PIK3CB: variants seen among roughly 807,000 people sequenced by gnomAD.
PIK3CB encodes the protein phosphatidylinositol-4,5-bisphosphate 3-kinase catalytic subunit beta.
In PIK3CB, 39 loss-of-function variants were observed where a neutral mutation model predicts 136.8. That is an observed-to-expected ratio of 0.29 (90% CI 0.22 to 0.37). The LOEUF (loss-of-function observed/expected upper bound fraction) is 0.37, where lower values mean the gene tolerates loss of function less well. Among genes scored for constraint, PIK3CB ranks in the 10% least tolerant of loss-of-function variants. PIK3CB has a pLI of 1.00. For missense variants in PIK3CB, 868 were observed against 1,275.4 expected (o/e 0.68, Z 4.87); for synonymous variants, 428 against 436.6 (o/e 0.98, Z 0.25).
intron 1 of PIK3CB, among the ~76,000 whole-genome samples, chr3:138,828,170 A>G (rs1405258055): frequency 6.6e-6 from 1 of 150,460 alleles, no homozygotes; most frequent in African/African-American, 2.4e-5. Flanking sequence ...TTCATTCAAC[A>G]GTAATTAAAT....
intron 19 of PIK3CB, among the ~76,000 whole-genome samples, chr3:138,677,892 G>C (rs999299108): frequency 6.6e-6 from 1 of 151,908 alleles, no homozygotes; most frequent in Non-Finnish European, 1.5e-5. Flanking sequence ...GGAAACTCCC[G>C]TTTCAAACAA....
intron 14 of PIK3CB, among the ~76,000 whole-genome samples, chr3:138,693,378 A>G (rs2044050768): frequency 1.3e-5 from 2 of 151,392 alleles, no homozygotes; most frequent in South Asian, 2.1e-4. Flanking sequence ...TATAGGTGTG[A>G]GCCACCACAG....
At chr3:138,775,533 A>G (rs1408209241) in intron 2 of PIK3CB, among the ~76,000 whole-genome samples, 1 of 152,078 alleles carries the variant, frequency 6.6e-6, no homozygotes, top group Non-Finnish European at 1.5e-5. Context: ...ATACTGGAAA[A>G]GGGAAATACA....
At chr3:138,662,129 A>C (rs200621423) in intron 21 of PIK3CB, among the ~76,000 whole-genome samples, 58 of 94,418 alleles carry the variant, frequency 6.1e-4, no homozygotes, top group African/African-American at 2.2e-3. Flanking sequence ...TTTTTTTTTT[A>C]TTTTAAGTTT....
intron 19 of PIK3CB, among the ~76,000 whole-genome samples, chr3:138,668,687 G>C (rs1363775225): frequency 6.6e-6 from 1 of 152,094 alleles, no homozygotes; most frequent in Non-Finnish European, 1.5e-5. Context: ...TTAAAAATTT[G>C]TTTTACAACT....
Position 138,660,841 on chromosome 3 carries a change from T to C in PIK3CB, c.2797-3006A>G, listed in dbSNP as rs546138346. Among the ~76,000 whole-genome samples the C allele has an allele frequency of 4.6e-5, 7 of 152,348 alleles. No homozygotes were observed. In the East Asian group the frequency reaches 5.8e-4, roughly 13 times the overall value. ...CAATTTTTGTCATTTTTTAAAAGTA[T>C]ATTAATCCTTAGCTGACCATTCATA... is the stretch of plus-strand genomic sequence containing the variant. On this transcript the variant is annotated intron_variant, in intron 21 of 23. Transcript: ENST00000674063.
In PIK3CB at chr3:138,741,524, GAACAA is replaced by G. The variant is rs546287321; in HGVS notation, c.621+1029_621+1033del. On this transcript the variant is annotated intron_variant, in intron 5 of 23. Transcript: ENST00000674063. ...GCTATGGTTATTCACAGTAATTCAA[GAACAA>G]AACAAAACAAAACATCTGGCTGTGT... Among the ~76,000 whole-genome samples, 9 of 152,186 alleles carry G rather than the reference GAACAA, an allele frequency of 5.9e-5. No homozygotes were observed. In the East Asian group the frequency reaches 9.7e-4, roughly 16 times the overall value.
intron 2 of PIK3CB, among the ~76,000 whole-genome samples, chr3:138,769,077 C>T (rs552960935): frequency 6.6e-6 from 1 of 152,266 alleles, no homozygotes; most frequent in African/African-American, 2.4e-5. Context: ...GCAGCTGCTC[C>T]TGGGAAGCTC....
chr3:138,809,606 C>CAAA (rs57717750), intron 1 of PIK3CB, among the ~76,000 whole-genome samples: 169 of 113,398 alleles, frequency 1.5e-3, no homozygotes, highest in African/African-American at 4.1e-3. Flanking sequence ...GACTTTGCCT[C>CAAA]AAAAAAAAAA....
intron 1 of PIK3CB, among the ~76,000 whole-genome samples, chr3:138,814,475 CAA>C (rs371449651): frequency 1.5e-4 from 13 of 88,068 alleles, no homozygotes; most frequent in Admixed American, 3.9e-4. Flanking sequence ...GAGACCATCT[CAA>C]AAAAAAAAAA....
intron 4 of PIK3CB, among the ~76,000 whole-genome samples, chr3:138,748,235 C>T (rs1161511866): frequency 1.3e-5 from 2 of 150,798 alleles, no homozygotes; most frequent in East Asian, 3.9e-4. Context: ...GTAATCTCAA[C>T]CTGAGAGATT....
At chr3:138,661,587 G>A (rs181833837) in intron 21 of PIK3CB, among the ~76,000 whole-genome samples, 6 of 152,346 alleles carry the variant, frequency 3.9e-5, no homozygotes, top group Admixed American at 3.9e-4. Flanking sequence ...ATAAATCTAA[G>A]TGTTTAATGT....
chr3:138,834,844 C>G lies in PIK3CB; in HGVS notation c.-271G>C, dbSNP rs1426887570. 6.6e-6 allele frequency: 1 copy of G among 151,958 alleles called. No homozygotes were observed. Among genetic ancestry groups the G allele is most frequent in the Non-Finnish European group, 1.5e-5 (1 of 68,258 alleles). The allele number at this position is 151,958 out of a possible 1,614,324, so 9.4% of individuals were successfully genotyped here. A position where few individuals can be genotyped will look rare whatever the true frequency, so the allele number is the denominator to read the frequency against. On this transcript the variant is annotated 5_prime_UTR_variant, in exon 1 of 24. Transcript: ENST00000674063. Reference sequence around the variant, plus strand: ...CCGCGCAGCACTACACTCGCCCCCTCCCCACTGCCATGGCCCGCTCCGCCG... The same window carrying G: ...CCGCGCAGCACTACACTCGCCCCCTGCCCACTGCCATGGCCCGCTCCGCCG...
chr3:138,688,500 CAA>C (rs397991199), intron 16 of PIK3CB, among the ~76,000 whole-genome samples: 5 of 84,052 alleles, frequency 5.9e-5, no homozygotes, highest in Admixed American at 1.5e-4. Context: ...GACTCTGTCA[CAA>C]AAAAAAAAAA....
intron 21 of PIK3CB, among the ~76,000 whole-genome samples, chr3:138,659,906 T>C (rs1673598): frequency 0.94 from 124,371 of 131,664 alleles, 58,850 homozygotes; most frequent in East Asian, 1. Context: ...GACGGAGTCT[T>C]GCTCTGTCGC....
rs1174559734 is a variant in PIK3CB at position 138,734,642 on chromosome 3, T to A, written c.964A>T (p.Ile322Phe). ...PLPLPPKKTRIISHVWENNNP... is the reference protein window; with the variant it reads ...PLPLPPKKTRFISHVWENNNP... ...TCAGAAATAAAACTTACAGAAATAA[T>A]TCGTGTTTTCTTTGGTGGTAATGGA... The change falls in exon 7 of 24, where the codon ATT (isoleucine) becomes TTT (phenylalanine). Residue 322 changes from isoleucine to phenylalanine, a missense_variant. This residue lies in a region of PIK3CB where 612 missense variants were observed against 801.1 expected (regional missense o/e 0.76). Transcript: ENST00000674063. 1 of 1,607,438 alleles carries A rather than the reference T, an allele frequency of 6.2e-7. No homozygotes were observed. Among genetic ancestry groups the A allele is most frequent in the South Asian group, 1.1e-5 (1 of 90,428 alleles).
At position 138,656,288 on chromosome 3, in the gene PIK3CB, A is replaced by G. The variant is rs770633861; in HGVS notation, c.2943-14T>C. On this transcript the variant is annotated splice_polypyrimidine_tract_variant and intron_variant, in intron 22 of 23. Coordinates refer to ENST00000674063, the MANE Select transcript of PIK3CB (RefSeq NM_006219.3). ...CACTGGCGGAACCTTTGGGTGATGCAGCAAACCACATGAGCACAGTGTTAG... is the reference window on the plus strand; with the variant it reads ...CACTGGCGGAACCTTTGGGTGATGCGGCAAACCACATGAGCACAGTGTTAG... The G allele has an allele frequency of 4.3e-6, 7 of 1,614,086 alleles. No individual in the cohort carries two copies. The highest frequency in any genetic ancestry group is 5.9e-6 in the Non-Finnish European group (7 of 1,179,960).
At chr3:138,669,709 G>A (rs958070084) in intron 19 of PIK3CB, among the ~76,000 whole-genome samples, 4 of 152,112 alleles carry the variant, frequency 2.6e-5, no homozygotes, top group Non-Finnish European at 4.4e-5. Context: ...ATTTTGGAAC[G>A]TCATAGAAAA....
chr3:138,716,893 C>CA (rs376627250), intron 8 of PIK3CB, among the ~76,000 whole-genome samples: 541 of 11,082 alleles, frequency 0.049, 175 homozygotes, highest in Non-Finnish European at 0.06. Context: ...GATTGTGTCT[C>CA]AAAAAAAAAA....
Sources: gnomAD v4.1 joint callset for allele counts (sites outside exome capture counted in the v4.1 genomes callset) on GRCh38, gnomAD v4.1.1 for gene constraint, gnomAD v4.1.1 regional missense constraint, MANE v1.5 for transcripts, NCBI Gene and HGNC (gene_info 2026-07-23, HGNC 2026-07-21) for gene names.